Variants in SMTN observed in about 807,000 individuals in gnomAD.
SMTN encodes the protein smoothelin.
Under a neutral mutation model 102.0 loss-of-function variants are expected in SMTN, and 58 were observed. That is an observed-to-expected ratio of 0.57 (90% CI 0.46 to 0.71). The LOEUF is 0.71. Ranked by LOEUF, SMTN falls within the 30% of genes least tolerant of loss-of-function variation. SMTN has a pLI of 0.00. For synonymous variants in SMTN, 478 were observed against 497.9 expected, an observed-to-expected ratio of 0.96 and a Z score of 0.53; for missense variants, 1,185 against 1,241.7, an observed-to-expected ratio of 0.95 and a Z score of 0.69.
chr22:31,085,228 T>TG (rs1223682372), intron 2 of SMTN: 1 of 1,533,888 alleles, frequency 6.5e-7, no homozygotes, highest in African/African-American at 1.4e-5. Context: ...ATCCGGACAC[T>TG]GAAGCAGGCG....
chr22:31,097,425 T>G (rs1033392170), intron 16 of SMTN, 87 bp downstream of exon 16: 11 of 1,205,650 alleles, frequency 9.1e-6, no homozygotes, highest in Non-Finnish European at 1.4e-5. Context: ...AGGGGTGGGC[T>G]GGGCACAGTG....
Position 31,099,147 on chromosome 22 carries a change from G to C in SMTN, c.2419G>C (p.Asp807His). 2 of 1,613,154 alleles carry C rather than the reference G, an allele frequency of 1.2e-6. No individual in the cohort carries two copies. The highest frequency in any genetic ancestry group is 1.7e-6 in the Non-Finnish European group (2 of 1,179,926). ...NANSIKQMLL[D>H]WCRAKTRGYE... ...CAACAGCATCAAGCAGATGCTGCTG[G>C]ACTGGTGTCGAGCCAAGACTCGCGG... Residue 807 changes from aspartate to histidine, a missense_variant, in exon 18 of 21, where the codon GAC (aspartate) becomes CAC (histidine). Around this residue, in one of 2 missense-constraint regions of SMTN, gnomAD observed 1,096 missense variants for 1,112.7 expected, o/e 0.98. Transcript: ENST00000333137.
intron 1 of SMTN, among the ~76,000 whole-genome samples, chr22:31,073,218 C>A (rs1602573180): frequency 6.8e-6 from 1 of 147,014 alleles, no homozygotes; most frequent in African/African-American, 2.7e-5. Context: ...CATGCCCCTC[C>A]AACTCCCACC....
chr22:31,065,243 G>T (rs913313658), intron 1 of SMTN: 14 of 152,078 alleles, frequency 9.2e-5, no homozygotes, highest in African/African-American at 3.1e-4. Flanking sequence ...TATCTGCTGG[G>T]TTTCTCTTTT....
rs1409543957 is a variant in SMTN, at chr22:31,095,182, G to A, written c.1633-121G>A. Reference sequence around the variant, plus strand: ...CCATCTTTGGGCAGGCAGGCTGGCAGGCTAGTGGTTATTTCCAAGGCGTGC... The same window carrying A: ...CCATCTTTGGGCAGGCAGGCTGGCAAGCTAGTGGTTATTTCCAAGGCGTGC... On this transcript the variant is annotated intron_variant, in intron 11 of 20. Coordinates refer to ENST00000333137, the MANE Select transcript of SMTN (RefSeq NM_134269.3). This position sits in a 1 kb window ranked among gnomAD's most constrained non-coding sequence, Gnocchi z 4.1. The A allele has an allele frequency of 2.0e-6, 2 of 1,003,534 alleles. No homozygotes were observed. The highest frequency in any genetic ancestry group is 1.6e-5 in the African/African-American group (1 of 62,610). The allele number at this position is 1,003,534 out of a possible 1,614,324, so 62.2% of individuals were successfully genotyped here. A position where few individuals can be genotyped will look rare whatever the true frequency, so the allele number is the denominator to read the frequency against.
chr22:31,086,002 C>T (rs2068289874), intron 2 of SMTN, among the ~76,000 whole-genome samples: 1 of 152,236 alleles, frequency 6.6e-6, no homozygotes, highest in South Asian at 2.1e-4. Flanking sequence ...GCCCTTGCCC[C>T]TCTGGGCCTC....
chr22:31,098,599 C>A, intron 16 of SMTN, 68 bp from the exon 17 acceptor site: 20 of 1,517,154 alleles, frequency 1.3e-5, no homozygotes, highest in Non-Finnish European at 1.8e-5. Flanking sequence ...CTCCTCCTCG[C>A]GAGTGGTGGT....
intron 19 of SMTN, 125 bp from the exon 20 acceptor site, chr22:31,100,760 G>T: frequency 1.6e-6 from 1 of 624,906 alleles, no homozygotes; most frequent in East Asian, 2.7e-5. Flanking sequence ...GTGTGTGTGT[G>T]TGTATGTGTG....
At chr22:31,092,646 C>A (rs2043223047) in intron 11 of SMTN, 1 of 437,142 alleles carries the variant, frequency 2.3e-6, no homozygotes, top group Admixed American at 2.5e-5. Context: ...AAATAAAGCA[C>A]CCTTCCTTTC....
intron 16 of SMTN, among the ~76,000 whole-genome samples, chr22:31,098,394 C>T (rs1346527820): frequency 1.3e-5 from 2 of 152,050 alleles, no homozygotes; most frequent in Admixed American, 6.5e-5. Flanking sequence ...AGCTGAACTC[C>T]CCTGTAACTT....
At position 31,089,756 on chromosome 22, in the gene SMTN, C is replaced by T. The variant is rs1381955591; in HGVS notation, c.529C>T (p.Pro177Ser). 1 of 1,611,218 alleles carries T rather than the reference C, an allele frequency of 6.2e-7. No homozygotes were observed. Among genetic ancestry groups the T allele is most frequent in the Non-Finnish European group, 8.5e-7 (1 of 1,179,946 alleles). The change falls in exon 7 of 21, where the codon CCT becomes TCT. Residue 177 changes from proline to serine, a missense_variant. By Grantham distance (74) the Pro-to-Ser change is moderately conservative (BLOSUM62 -1). Transcript: ENST00000333137. The stretch of plus-strand genomic sequence containing the variant: ...AGAGGTTTCAAAGCCAACCCCCACC[C>T]CTGAAGGCACCAGCCAGGATGTGAC... ...QAEVSKPTPT[P>S]EGTSQDVTTV... is the part of the protein sequence containing the mutation.
Position 31,083,296 on chromosome 22 carries a change from C to T in SMTN, c.38C>T (p.Ala13Val), listed in dbSNP as rs150120759. The change falls in exon 2 of 21, where the codon GCC (alanine) becomes GTC (valine). Residue 13 changes from alanine (A) to valine (V), a missense_variant. Ala to Val is a moderately conservative substitution (Grantham distance 64, BLOSUM62 0). This residue lies in a region of SMTN where 1,096 missense variants were observed against 1,112.7 expected (regional missense o/e 0.98). Transcript: ENST00000333137. ...GCCTTAGCTGGGCTGGATGAGGGAG[C>T]CCTTCGGAAGCTGGTAAGTGGCCCC... ...DEALAGLDEG[A>V]LRKLLEVTAD... 8.3e-4 allele frequency: 1,317 copies of T among 1,577,332 alleles called. 3 individuals carry two copies. Among genetic ancestry groups the T allele is most frequent in the Non-Finnish European group, 1.1e-3 (1,239 of 1,163,910 alleles).
intron 1 of SMTN, among the ~76,000 whole-genome samples, chr22:31,074,616 C>T (rs1445787708): frequency 6.6e-6 from 1 of 152,108 alleles, no homozygotes; most frequent in African/African-American, 2.4e-5. Flanking sequence ...ATGGTGAAAT[C>T]CTGTCTCTAC....
rs185504868 is a variant in SMTN, at chr22:31,083,267, C to T, written c.9C>T (p.Asp3=). MA[D]EALAGLDEGA... is the part of the protein sequence containing the mutation. ...AGCTAGGGGCCAGCGAGATGGCGGA[C>T]GAGGCCTTAGCTGGGCTGGATGAGG... The change falls in exon 2 of 21, where the codon GAC becomes GAT. Residue 3 remains aspartate, a synonymous_variant. Coordinates refer to ENST00000333137, the MANE Select transcript of SMTN (RefSeq NM_134269.3). 2.3e-5 allele frequency: 36 copies of T among 1,596,006 alleles called. No individual in the cohort carries two copies. The highest frequency in any genetic ancestry group is 2.6e-5 in the Non-Finnish European group (31 of 1,173,784).
At chr22:31,098,597 C>T in intron 16 of SMTN, 70 bp from the exon 17 acceptor site, 1 of 1,505,540 alleles carries the variant, frequency 6.6e-7, no homozygotes, top group South Asian at 1.2e-5. Flanking sequence ...CCCTCCTCCT[C>T]GCGAGTGGTG....
rs376327222 is a variant in SMTN, at chr22:31,075,907, G to C, written c.-385-4543G>C. Among the ~76,000 whole-genome samples, 18 of 152,300 alleles carry C rather than the reference G, an allele frequency of 1.2e-4. No individual in the cohort carries two copies. The East Asian group carries it at 2.1e-3, about 18-fold the overall frequency. On this transcript the variant is annotated intron_variant, in intron 1 of 3. Transcript: ENST00000422839. ...TGGAATGCAGTACTTTTAAAGTTCT[G>C]AACCCTGTTGGAGGCCAATATGAGA...
chr22:31,094,271 T>C (rs548378920), intron 11 of SMTN, among the ~76,000 whole-genome samples: 81 of 152,258 alleles, frequency 5.3e-4, no homozygotes, highest in Non-Finnish European at 1.0e-3. Context: ...CTGGGAGGGC[T>C]GCAGGGCTAG....
At chr22:31,067,721 A>AT (rs957396516) in intron 1 of SMTN, 51 of 148,458 alleles carry the variant, frequency 3.4e-4, no homozygotes, top group African/African-American at 8.7e-4. Flanking sequence ...TGCCCAGTTA[A>AT]TTTTTTTTTT....
chr22:31,099,466 G>A lies in SMTN; in HGVS notation c.2452-279G>A, dbSNP rs796312081. 4 of 584,800 alleles carry A rather than the reference G, an allele frequency of 6.8e-6. No homozygotes were observed. In the South Asian group the frequency reaches 8.5e-5, roughly 12 times the overall value. 36.2% of individuals were successfully genotyped at this position (584,800 alleles called of 1,614,324 possible). ...TCCTTGTTGCTCTGTAGGAGGCCCT[G>A]AGTCAATTTCTCTAAATGAGGGAAG... On this transcript the variant is annotated intron_variant, in intron 18 of 20. Transcript: ENST00000333137.
Sources: gnomAD v4.1 joint callset for allele counts (sites outside exome capture counted in the v4.1 genomes callset) on GRCh38, gnomAD v4.1.1 for gene constraint, gnomAD v4.1.1 regional missense constraint, Gnocchi (gnomAD v3.1) non-coding constraint, MANE v1.5 for transcripts, NCBI Gene and HGNC (gene_info 2026-07-23, HGNC 2026-07-21) for gene names.